ARHGAP18: variants seen among roughly 807,000 people sequenced by gnomAD.
The protein encoded by ARHGAP18 is rho GTPase-activating protein 18.
Under a neutral mutation model 86.2 loss-of-function variants are expected in ARHGAP18, and 67 were observed. The ratio of observed to expected loss-of-function variants is 0.78; its 90% CI spans 0.64 to 0.95. ARHGAP18 has a LOEUF of 0.95. Among genes scored for constraint, ARHGAP18 ranks in the 40% least tolerant of loss-of-function variants. The pLI is 0.00. For missense variants in ARHGAP18, 691 were observed against 780.4 expected, an observed-to-expected ratio of 0.89 and a Z score of 1.37; for synonymous variants, 283 against 280.4, an observed-to-expected ratio of 1.01 and a Z score of -0.09.
chr6:129,613,915 C>G (rs190532918), intron 7 of ARHGAP18, among the ~76,000 whole-genome samples: 120 of 152,078 alleles, frequency 7.9e-4, no homozygotes, highest in Non-Finnish European at 1.4e-3. Context: ...ATATTACATA[C>G]TTATGTGAAT....
At chr6:129,644,131 A>G (rs1452234538) in intron 1 of ARHGAP18, among the ~76,000 whole-genome samples, 1 of 152,180 alleles carries the variant, frequency 6.6e-6, no homozygotes, top group East Asian at 1.9e-4. Flanking sequence ...CAACAAGCCT[A>G]AGTCTAGACA....
chr6:129,595,337 T>C (rs1396199821), intron 12 of ARHGAP18, among the ~76,000 whole-genome samples: 2 of 152,220 alleles, frequency 1.3e-5, no homozygotes, highest in African/African-American at 2.4e-5. Flanking sequence ...TGTATAGATA[T>C]GCCATAATGT....
chr6:129,598,615 T>C (rs1788667289), intron 12 of ARHGAP18, among the ~76,000 whole-genome samples: 2 of 152,214 alleles, frequency 1.3e-5, no homozygotes, highest in South Asian at 2.1e-4. Flanking sequence ...AATATACTCT[T>C]ACAGTAGTTT....
chr6:129,709,916 G>C (rs1312418562), intron 1 of ARHGAP18, 108 bp downstream of exon 1: 5 of 840,866 alleles, frequency 5.9e-6, no homozygotes, highest in Non-Finnish European at 9.6e-6. Flanking sequence ...ACGAGCTCAG[G>C]CTCGACGTGC....
At position 129,642,007 on chromosome 6, in the gene ARHGAP18, C is replaced by A. The variant is rs368392829; in HGVS notation, c.125G>T (p.Gly42Val). The A allele has an allele frequency of 1.2e-6, 2 of 1,613,564 alleles. No homozygotes were observed. Among genetic ancestry groups the A allele is most frequent in the Non-Finnish European group, 1.7e-6 (2 of 1,179,846 alleles). The change falls in exon 2 of 15, where the codon GGC (glycine) becomes GTC (valine). Residue 42 changes from glycine to valine, a missense_variant. By Grantham distance (109) the Gly-to-Val change is moderately radical. Transcript: ENST00000368149. ...GCTTTCCTGGTTCATAGTGTACTGG[C>A]CATATCTGCGACTGTAAATTCAAAA... ...GEEATSSRRY[G>V]QYTMNQESTT...
intron 1 of ARHGAP18, among the ~76,000 whole-genome samples, chr6:129,702,610 T>C (rs562901526): frequency 6.6e-6 from 1 of 152,032 alleles, no homozygotes; most frequent in Non-Finnish European, 1.5e-5. Context: ...TGTTAGTGAC[T>C]CCCACTGAGA....
rs1415979615 is a variant in ARHGAP18 at position 129,625,440 on chromosome 6, A to G, written c.786+3913T>C. ...ATATAATATATATTATATATAATAT[A>G]TATTTTATATTATATATTATATATA... is the stretch of plus-strand genomic sequence containing the variant. On this transcript the variant is annotated intron_variant, in intron 5 of 14. Transcript: ENST00000368149. 1.3e-4 allele frequency among the ~76,000 whole-genome samples: 8 copies of G among 63,010 alleles called. 1 individual carries two copies. The highest frequency in any genetic ancestry group is 5.4e-4 in the East Asian group (1 of 1,846). 41.3% of individuals were successfully genotyped at this position (63,010 alleles called of 152,430 possible). A position where few individuals can be genotyped will look rare whatever the true frequency, so the allele number is the denominator to read the frequency against.
At chr6:129,648,623 TTG>T (rs1031204720) in intron 1 of ARHGAP18, among the ~76,000 whole-genome samples, 17 of 151,500 alleles carry the variant, frequency 1.1e-4, no homozygotes, top group African/African-American at 3.9e-4. Flanking sequence ...AAAAAAAAAA[TTG>T]TGTCATGCTG....
chr6:129,584,363 T>C (rs527728236), intron 12 of ARHGAP18, among the ~76,000 whole-genome samples: 3 of 152,348 alleles, frequency 2.0e-5, no homozygotes, highest in Non-Finnish European at 2.9e-5. Flanking sequence ...ATGACAGCAA[T>C]AACCATTACT....
At position 129,618,827 on chromosome 6, in the gene ARHGAP18, G is replaced by A. The variant is rs145543683; in HGVS notation, c.812C>T (p.Thr271Met). Residue 271 changes from threonine (T) to methionine (M), a missense_variant, in exon 6 of 15, where the codon ACG becomes ATG. By Grantham distance (81) the Thr-to-Met change is moderately conservative (BLOSUM62 -1). Coordinates refer to ENST00000368149, the MANE Select transcript of ARHGAP18 (RefSeq NM_033515.3). ...GAGGTCACCAATCCTTGTGGTACCC[G>A]TTTTGTCTTTTGGCAATCTGAAACT... ...LPSFRLPKDK[T>M]GTTRIGDLAP... 94 of 1,612,192 alleles carry A rather than the reference G, an allele frequency of 5.8e-5. No homozygotes were observed. Among genetic ancestry groups the A allele is most frequent in the African/African-American group, 3.7e-4 (28 of 74,852 alleles).
chr6:129,677,633 G>C (rs1774259362), intron 1 of ARHGAP18, among the ~76,000 whole-genome samples: 3 of 152,134 alleles, frequency 2.0e-5, no homozygotes, highest in Admixed American at 2.0e-4. Context: ...ACAAACTCCA[G>C]GAAATGTCCT....
intron 5 of ARHGAP18, among the ~76,000 whole-genome samples, chr6:129,626,065 TACACACACACACACACACACACAC>T (rs71028169): frequency 2.5e-4 from 25 of 101,540 alleles, no homozygotes; most frequent in Non-Finnish European, 4.0e-4. Context: ...TATACACATA[TACACACACACACACACACACACAC>T]ACACACACAC....
chr6:129,645,900 G>T (rs1773568919), intron 1 of ARHGAP18, among the ~76,000 whole-genome samples: 1 of 152,040 alleles, frequency 6.6e-6, no homozygotes, highest in African/African-American at 2.4e-5. Flanking sequence ...TTGTTTTGTT[G>T]TATTTTCCCA....
Position 129,624,959 on chromosome 6 carries a change from T to C in ARHGAP18, c.786+4394A>G, listed in dbSNP as rs562504619. 2.5e-4 allele frequency among the ~76,000 whole-genome samples: 33 copies of C among 130,148 alleles called. 1 individual carries two copies. The South Asian group carries it at 3.1e-3, about 12-fold the overall frequency. The allele number at this position is 130,148 out of a possible 152,430, so 85.4% of individuals were successfully genotyped here. ...AAACTCCATTTCAAAAATATATATATATATGATATATATTTATATATAATA... is the reference window on the plus strand; with the variant it reads ...AAACTCCATTTCAAAAATATATATACATATGATATATATTTATATATAATA... On this transcript the variant is annotated intron_variant, in intron 5 of 14. Transcript: ENST00000368149.
chr6:129,685,358 T>A (rs953708487), intron 1 of ARHGAP18, among the ~76,000 whole-genome samples: 2 of 141,252 alleles, frequency 1.4e-5, no homozygotes, highest in African/African-American at 5.7e-5. Context: ...AATGCAAAAA[T>A]TAGCCAGGCA....
At chr6:129,644,339 T>G (rs1469380237) in intron 1 of ARHGAP18, among the ~76,000 whole-genome samples, 1 of 152,180 alleles carries the variant, frequency 6.6e-6, no homozygotes, top group African/African-American at 2.4e-5. Flanking sequence ...TCCTGATTCT[T>G]AAATTAACAT....
At position 129,675,157 on chromosome 6, in the gene ARHGAP18, C is replaced by T. The variant is rs183580911; in HGVS notation, c.114-33139G>A. ...AACAGAAGGACAAGTGGTGAAATAA[C>T]GTGGCCAATGTCACATTGTAAGTGG... On this transcript the variant is annotated intron_variant, in intron 1 of 14. Coordinates refer to ENST00000368149, the MANE Select transcript of ARHGAP18 (RefSeq NM_033515.3). 1.2e-4 allele frequency among the ~76,000 whole-genome samples: 18 copies of T among 152,214 alleles called. No individual in the cohort carries two copies. In the East Asian group the frequency reaches 2.5e-3, roughly 21 times the overall value.
chr6:129,699,651 T>C (rs532321367), intron 1 of ARHGAP18, among the ~76,000 whole-genome samples: 12 of 152,330 alleles, frequency 7.9e-5, no homozygotes, highest in African/African-American at 2.9e-4. Flanking sequence ...AATTTAAATA[T>C]CATTTTTGCT....
At chr6:129,617,139 A>G (rs945261588) in intron 6 of ARHGAP18, among the ~76,000 whole-genome samples, 2 of 152,224 alleles carry the variant, frequency 1.3e-5, no homozygotes, top group Non-Finnish European at 2.9e-5. Context: ...TTGTGATTGT[A>G]TATACTTAGA....
Sources: gnomAD v4.1 joint callset for allele counts (sites outside exome capture counted in the v4.1 genomes callset) on GRCh38, gnomAD v4.1.1 for gene constraint, MANE v1.5 for transcripts, NCBI Gene and HGNC (gene_info 2026-07-23, HGNC 2026-07-21) for gene names.